Variants in ENOX1 observed in about 807,000 individuals in gnomAD.
The protein encoded by ENOX1 is ecto-NOX disulfide-thiol exchanger 1, also known as candidate growth-related and time keeping constitutive hydroquinone (NADH) oxidase.
A neutral mutation model predicts 82.5 loss-of-function variants in ENOX1; 42 were observed. That is an observed-to-expected ratio of 0.51 (90% CI 0.40 to 0.66). ENOX1 has a LOEUF of 0.66. Ranked by LOEUF, ENOX1 falls within the 30% of genes least tolerant of loss-of-function variation. The pLI is 0.00. For missense variants in ENOX1, 608 were observed against 811.6 expected, an observed-to-expected ratio of 0.75 and a Z score of 3.05; for synonymous variants, 271 against 282.2, an observed-to-expected ratio of 0.96 and a Z score of 0.40.
chr13:43,650,817 G>A (rs1226920808), intron 2 of ENOX1, among the ~76,000 whole-genome samples: 2 of 152,164 alleles, frequency 1.3e-5, no homozygotes, highest in Admixed American at 6.6e-5. Flanking sequence ...CAGCCTGGGC[G>A]ACAAGCGCAA....
At chr13:43,233,711 G>A (rs1265640786) in intron 15 of ENOX1, among the ~76,000 whole-genome samples, 2 of 150,256 alleles carry the variant, frequency 1.3e-5, no homozygotes, top group Non-Finnish European at 2.9e-5. Flanking sequence ...TGTGCCCCAA[G>A]AGGGCACTGA....
At position 43,338,717 on chromosome 13, in the gene ENOX1, GCT is replaced by G. The variant is rs754317773; in HGVS notation, c.1036+5819_1036+5820del. On this transcript the variant is annotated intron_variant, in intron 9 of 16. Coordinates refer to ENST00000690772, the MANE Select transcript of ENOX1 (RefSeq NM_001347969.2). Reference sequence around the variant, plus strand: ...TTTTTTTTTTTTGAGATGGAGTCTCGCTCTGTCACCCAGGCTGGAGTGCAGTG... The same window carrying G: ...TTTTTTTTTTTTGAGATGGAGTCTCGCTGTCACCCAGGCTGGAGTGCAGTG... Among the ~76,000 whole-genome samples the G allele has an allele frequency of 3.3e-4, 38 of 115,950 alleles. No individual in the cohort carries two copies. The East Asian group carries it at 8.7e-3, about 27-fold the overall frequency. 76.1% of individuals were successfully genotyped at this position (115,950 alleles called of 152,430 possible).
chr13:43,300,751 G>A (rs2046525913), intron 11 of ENOX1, among the ~76,000 whole-genome samples: 1 of 152,196 alleles, frequency 6.6e-6, no homozygotes, highest in African/African-American at 2.4e-5. Flanking sequence ...TTGGGATTTA[G>A]GAACATTAGT....
chr13:43,304,032 A>T (rs3818404), intron 11 of ENOX1, among the ~76,000 whole-genome samples: 129,673 of 152,180 alleles, frequency 0.85, 55,437 homozygotes, highest in East Asian at 0.96. Context: ...TTATTCCTTG[A>T]TCTCCTTTTG....
In ENOX1 at chr13:43,356,086, G is replaced by A; in HGVS notation, c.656C>T (p.Ala219Val). The change falls in exon 8 of 17, where the codon GCC becomes GTC. Residue 219 changes from alanine (A) to valine (V), a missense_variant. Physicochemically the swap from Ala to Val is moderately conservative, Grantham distance 64. Transcript: ENST00000690772. ...CTCATAGAAGTCATCCCTGGCCTGG[G>A]CAAAGTCCACATGAAGGCGGCCTGA... ...KDSGRLHVDF[A>V]QARDDFYEWE... is the part of the protein sequence containing the mutation. 1 of 1,614,190 alleles carries A rather than the reference G, an allele frequency of 6.2e-7. No individual in the cohort carries two copies. Among genetic ancestry groups the A allele is most frequent in the East Asian group, 2.2e-5 (1 of 44,866 alleles).
intron 14 of ENOX1, among the ~76,000 whole-genome samples, chr13:43,255,773 C>CA (rs962112500): frequency 3.3e-5 from 5 of 151,914 alleles, no homozygotes; most frequent in Admixed American, 1.3e-4. Flanking sequence ...GAAGATTACA[C>CA]AAAAAAATGG....
At chr13:43,475,363 G>A (rs2058237330) in intron 3 of ENOX1, among the ~76,000 whole-genome samples, 1 of 152,106 alleles carries the variant, frequency 6.6e-6, no homozygotes, top group South Asian at 2.1e-4. Context: ...ATTTCTGATA[G>A]GAACTCTATT....
intron 5 of ENOX1, among the ~76,000 whole-genome samples, chr13:43,375,003 C>A (rs1447263468): frequency 6.6e-6 from 1 of 152,196 alleles, no homozygotes; most frequent in Non-Finnish European, 1.5e-5. Context: ...TGCCTATTTA[C>A]TTCACGTTGT....
intron 1 of ENOX1, among the ~76,000 whole-genome samples, chr13:43,688,758 A>G (rs201585959): frequency 7.9e-6 from 1 of 127,022 alleles, no homozygotes. Context: ...GGGGCACAGG[A>G]GAAGGAGCAG....
intron 3 of ENOX1, among the ~76,000 whole-genome samples, chr13:43,453,965 A>G (rs1430171515): frequency 6.6e-6 from 1 of 152,154 alleles, no homozygotes; most frequent in African/African-American, 2.4e-5. Context: ...CCTGAGTTCT[A>G]CTTTGCTATT....
intron 1 of ENOX1, among the ~76,000 whole-genome samples, chr13:43,763,487 T>C (rs372209659): frequency 1.3e-5 from 2 of 152,196 alleles, no homozygotes; most frequent in African/African-American, 4.8e-5. Context: ...ATTCAGTCTA[T>C]AGCAGATCTT....
At chr13:43,612,867 A>C (rs1036425803) in intron 2 of ENOX1, among the ~76,000 whole-genome samples, 1 of 9,918 alleles carries the variant, frequency 1.0e-4, no homozygotes, top group South Asian at 0.083. Context: ...TACTCACTTC[A>C]TCATATCAAC....
At position 43,420,795 on chromosome 13, in the gene ENOX1, G is replaced by GT. The variant is rs550548007; in HGVS notation, c.-74-7808dup. ...TTCTTAGATAGGAGTAAGTTTTGGG[G>GT]TATTGGGGAGCACTTAGAGGAGAGT... On this transcript the variant is annotated intron_variant, in intron 3 of 16. Transcript: ENST00000690772. Among the ~76,000 whole-genome samples, 36 of 152,236 alleles carry GT rather than the reference G, an allele frequency of 2.4e-4. 1 individual carries two copies. In the East Asian group the frequency reaches 6.2e-3, roughly 26 times the overall value.
In ENOX1 at chr13:43,655,619, A is replaced by G. The variant is rs553251037; in HGVS notation, c.-219+11860T>C. ...ATGTCACTTGTTGCCAAATGTTCCA[A>G]ATGTTTCTTCTTGAATTAAATTTCA... On this transcript the variant is annotated intron_variant, in intron 2 of 16. Transcript: ENST00000690772. Among the ~76,000 whole-genome samples the G allele has an allele frequency of 6.8e-4, 103 of 152,174 alleles. 1 individual carries two copies. The highest frequency in any genetic ancestry group is 2.4e-3 in the African/African-American group (98 of 41,524).
intron 2 of ENOX1, among the ~76,000 whole-genome samples, chr13:43,555,131 C>G (rs190597183): frequency 3.8e-3 from 577 of 151,982 alleles, no homozygotes; most frequent in Non-Finnish European, 6.5e-3. Context: ...AAATTGGGAA[C>G]AACTTGCAAA....
chr13:43,559,416 T>G (rs1326176208), intron 2 of ENOX1, among the ~76,000 whole-genome samples: 1 of 152,228 alleles, frequency 6.6e-6, no homozygotes, highest in Non-Finnish European at 1.5e-5. Flanking sequence ...ACCTTAATTT[T>G]CTGTATGACA....
chr13:43,391,202 T>C (rs2052754394), intron 5 of ENOX1, among the ~76,000 whole-genome samples: 1 of 152,148 alleles, frequency 6.6e-6, no homozygotes, highest in African/African-American at 2.4e-5. Flanking sequence ...TTGGATCCCG[T>C]AACGTTGCAC....
intron 3 of ENOX1, among the ~76,000 whole-genome samples, chr13:43,413,728 T>C (rs1372227668): frequency 6.8e-6 from 1 of 146,680 alleles, no homozygotes; most frequent in Non-Finnish European, 1.5e-5. Context: ...TTTATATATA[T>C]ATATTTATAT....
intron 1 of ENOX1, among the ~76,000 whole-genome samples, chr13:43,694,728 G>A (rs1248344347): frequency 6.6e-6 from 1 of 152,200 alleles, no homozygotes. Flanking sequence ...GTCACTGGCT[G>A]CAAGGGACCA....
Sources: gnomAD v4.1 joint callset for allele counts (sites outside exome capture counted in the v4.1 genomes callset) on GRCh38, gnomAD v4.1.1 for gene constraint, MANE v1.5 for transcripts, NCBI Gene and HGNC (gene_info 2026-07-23, HGNC 2026-07-21) for gene names.